The following NEMP2 variants were observed in gnomAD, a reference collection of about 807,000 sequenced individuals.
The protein encoded by NEMP2 is UPF0571 transmembrane protein.
NEMP2 carries 53 observed loss-of-function variants against 54.2 expected under a neutral mutation model. The observed-to-expected ratio is 0.98, with a 90% CI of 0.78 to 1.23. The LOEUF is 1.23. NEMP2 is among the 50% of genes most tolerant of loss of function. The pLI, the probability that NEMP2 is intolerant of heterozygous loss-of-function variation, is 0.00. For missense variants in NEMP2, 455 were observed against 511.3 expected (o/e 0.89, Z 1.06); for synonymous variants, 197 against 190.3 (o/e 1.04, Z -0.29).
chr2:190,560,691 C>G, the NEMP2 span, among the ~76,000 whole-genome samples: 183 of 152,222 alleles, frequency 1.2e-3, 1 homozygote, highest in African/African-American at 4.2e-3. The surrounding 1 kb of genome is among the most constrained non-coding windows in gnomAD (Gnocchi z 5.4). Context: ...AATTTATTAA[C>G]TTCTAACCAA....
At chr2:190,424,094 A>G in the NEMP2 span, among the ~76,000 whole-genome samples, 1 of 152,114 alleles carries the variant, frequency 6.6e-6, no homozygotes, top group East Asian at 1.9e-4. This position sits in a 1 kb window ranked among gnomAD's most constrained non-coding sequence, Gnocchi z 5.9. Context: ...TTGTGTTTTC[A>G]TCCTCTTTGC....
the NEMP2 span, among the ~76,000 whole-genome samples, chr2:190,569,274 G>T: frequency 3.3e-5 from 5 of 152,128 alleles, no homozygotes; most frequent in African/African-American, 9.7e-5. Flanking sequence ...CATTCTAAAC[G>T]CTAAAAAGAG....
chr2:190,514,496 A>C lies in NEMP2; in HGVS notation c.910T>G (p.Trp304Gly). 6.4e-7 allele frequency: 1 copy of C among 1,551,678 alleles called. No individual in the cohort carries two copies. The highest frequency in any genetic ancestry group is 8.7e-7 in the Non-Finnish European group (1 of 1,147,006). ...GCTCTCAGTGGGTAGTGCAGACTCC[A>C]GGAGGACATGAGGAGGATTATGGCT... Reference protein sequence around the residue: ...YAAIILLMSSWSLHYPLRACS... With the variant: ...YAAIILLMSSGSLHYPLRACS... Residue 304 changes from tryptophan (W) to glycine (G), a missense_variant, in exon 7 of 9, where the codon TGG becomes GGG. Transcript: ENST00000409150. The surrounding 1 kb of genome is among the most constrained non-coding windows in gnomAD (Gnocchi z 5.7).
At chr2:190,534,487 C>T in intron 1 of NEMP2, 72 bp downstream of exon 1, 1 of 1,299,444 alleles carries the variant, frequency 7.7e-7, no homozygotes, top group South Asian at 2.3e-5. Flanking sequence ...CCAAAGAGCG[C>T]GCCCTCAGGG....
chr2:190,554,849 G>A, the NEMP2 span, among the ~76,000 whole-genome samples: 2 of 152,196 alleles, frequency 1.3e-5, no homozygotes, highest in Non-Finnish European at 2.9e-5. This position sits in a 1 kb window ranked among gnomAD's most constrained non-coding sequence, Gnocchi z 5.7. Context: ...CTGACACCCA[G>A]GTATCCTGAC....
chr2:190,537,371 G>A (rs1691410236), upstream of NEMP2, among the ~76,000 whole-genome samples: 1 of 152,168 alleles, frequency 6.6e-6, no homozygotes, highest in South Asian at 2.1e-4. Flanking sequence ...GGACCCAGTG[G>A]GAGGTAACTG....
the NEMP2 span, among the ~76,000 whole-genome samples, chr2:190,484,538 T>C: frequency 1.3e-5 from 2 of 152,172 alleles, no homozygotes; most frequent in Non-Finnish European, 2.9e-5. Context: ...GGCGGAGGGT[T>C]TTCAAGTTTC....
At position 190,514,574 on chromosome 2, in the gene NEMP2, G is replaced by T; in HGVS notation, c.832C>A (p.Leu278Ile). Residue 278 changes from leucine to isoleucine, a missense_variant, in exon 7 of 9, where the codon CTC (leucine) becomes ATC (isoleucine). Leu to Ile is a conservative substitution (Grantham distance 5). Coordinates refer to ENST00000409150, the MANE Select transcript of NEMP2 (RefSeq NM_001142645.2). The surrounding 1 kb of genome is among the most constrained non-coding windows in gnomAD (Gnocchi z 5.7). ...RSLLMWMLRL[L>I]SLVLVYAGVA... ...CCAGCATAGACCAGAACCAGGGAGA[G>T]GAGTCGCAGCATCCACATCAGAAGA... The T allele has an allele frequency of 1.3e-6, 2 of 1,551,750 alleles. No homozygotes were observed. The highest frequency in any genetic ancestry group is 1.7e-6 in the Non-Finnish European group (2 of 1,147,000).
chr2:190,571,313 C>T, the NEMP2 span, among the ~76,000 whole-genome samples: 2 of 152,120 alleles, frequency 1.3e-5, no homozygotes, highest in Non-Finnish European at 2.9e-5. Flanking sequence ...GAGGCTGAGG[C>T]AGGTGGATCA....
the NEMP2 span, among the ~76,000 whole-genome samples, chr2:190,543,990 TTTAA>T: frequency 6.6e-6 from 1 of 152,222 alleles, no homozygotes; most frequent in African/African-American, 2.4e-5. This position sits in a 1 kb window ranked among gnomAD's most constrained non-coding sequence, Gnocchi z 4.7. Context: ...AGGTAGAACA[TTTAA>T]TTAAGTTAAA....
At chr2:190,642,931 T>G in the NEMP2 span, among the ~76,000 whole-genome samples, 2 of 151,808 alleles carry the variant, frequency 1.3e-5, no homozygotes, top group Admixed American at 6.6e-5. The surrounding 1 kb of genome is among the most constrained non-coding windows in gnomAD (Gnocchi z 4.1). Context: ...AGTGAAATTT[T>G]CATTCAAATG....
rs1690760240 is a variant in NEMP2, at chr2:190,521,840, C to T, written c.214-2657G>A. The stretch of plus-strand genomic sequence containing the variant: ...AGGGCTTCCAGGACATCTTCATTGT[C>T]CCTCCTTTTATTTCTCCTCTGCTTG... On this transcript the variant is annotated intron_variant, in intron 2 of 8. Coordinates refer to ENST00000409150, the MANE Select transcript of NEMP2 (RefSeq NM_001142645.2). The surrounding 1 kb of genome is among the most constrained non-coding windows in gnomAD (Gnocchi z 6.2). 6.6e-6 allele frequency among the ~76,000 whole-genome samples: 1 copy of T among 152,122 alleles called. No individual in the cohort carries two copies. The highest frequency in any genetic ancestry group is 6.5e-5 in the Admixed American group (1 of 15,268).
chr2:190,607,990 C>T, the NEMP2 span: 1 of 152,154 alleles, frequency 6.6e-6, no homozygotes, highest in Non-Finnish European at 1.5e-5. This position sits in a 1 kb window ranked among gnomAD's most constrained non-coding sequence, Gnocchi z 5.2. Flanking sequence ...TGGTAAACTG[C>T]AGTCCAAAAA....
At chr2:190,452,458 A>G in the NEMP2 span, among the ~76,000 whole-genome samples, 1 of 152,170 alleles carries the variant, frequency 6.6e-6, no homozygotes, top group Non-Finnish European at 1.5e-5. Context: ...TGAGTTAGGC[A>G]TTGTTATGTC....
chr2:190,525,622 T>G lies in NEMP2; in HGVS notation c.98-244A>C, dbSNP rs1486827929. On this transcript the variant is annotated intron_variant, in intron 1 of 8. Transcript: ENST00000409150. This position sits in a 1 kb window ranked among gnomAD's most constrained non-coding sequence, Gnocchi z 5.0. ...TATAAGAGCACAGAGAACAAGTACT[T>G]CTTCAATTCTGAAGCAGAAGGCAGA... Among the ~76,000 whole-genome samples, 1 of 152,096 alleles carries G rather than the reference T, an allele frequency of 6.6e-6. No homozygotes were observed. Among genetic ancestry groups the G allele is most frequent in the African/African-American group, 2.4e-5 (1 of 41,420 alleles).
the NEMP2 span, among the ~76,000 whole-genome samples, chr2:190,540,258 G>T: frequency 6.6e-6 from 1 of 150,560 alleles, no homozygotes; most frequent in Non-Finnish European, 1.5e-5. Flanking sequence ...TGCATTCCTT[G>T]GATGAATTCC....
rs1043861041 is a variant in NEMP2, at chr2:190,531,463, C to A, written c.97+3096G>T. ...GCAATCCTCAGCAGGCTCTTTGATGCTTTCAATTAACCTGACTTCTAGAGA... is the reference window on the plus strand; with the variant it reads ...GCAATCCTCAGCAGGCTCTTTGATGATTTCAATTAACCTGACTTCTAGAGA... On this transcript the variant is annotated intron_variant, in intron 1 of 8. Transcript: ENST00000409150. This position sits in a 1 kb window ranked among gnomAD's most constrained non-coding sequence, Gnocchi z 4.7. 1.3e-5 allele frequency among the ~76,000 whole-genome samples: 2 copies of A among 152,218 alleles called. No homozygotes were observed. The highest frequency in any genetic ancestry group is 2.9e-5 in the Non-Finnish European group (2 of 68,044).
chr2:190,553,387 G>A, the NEMP2 span: 1 of 152,188 alleles, frequency 6.6e-6, no homozygotes, highest in African/African-American at 2.4e-5. Context: ...TGTAGCATGT[G>A]GAAAGAAGTA....
the NEMP2 span, among the ~76,000 whole-genome samples, chr2:190,431,124 C>T: frequency 4.5e-4 from 67 of 147,674 alleles, no homozygotes; most frequent in African/African-American, 1.6e-3. This position sits in a 1 kb window ranked among gnomAD's most constrained non-coding sequence, Gnocchi z 4.4. Flanking sequence ...GGGGCAGAGG[C>T]GCTCCCCACA....
Sources: gnomAD v4.1 joint callset for allele counts (sites outside exome capture counted in the v4.1 genomes callset) on GRCh38, gnomAD v4.1.1 for gene constraint, Gnocchi (gnomAD v3.1) non-coding constraint, MANE v1.5 for transcripts, NCBI Gene and HGNC (gene_info 2026-07-23, HGNC 2026-07-21) for gene names.